ECEL1: variants seen among roughly 807,000 people sequenced by gnomAD.
ECEL1 encodes the protein endothelin converting enzyme like 1, also known as endothelin-converting enzyme-like 1.
Under a neutral mutation model 101.8 loss-of-function variants are expected in ECEL1, and 87 were observed. That is an observed-to-expected ratio of 0.85 (90% CI 0.72 to 1.02). The LOEUF (loss-of-function observed/expected upper bound fraction) is 1.02, where lower values mean the gene tolerates loss of function less well. Among genes scored for constraint, ECEL1 ranks in the 50% least tolerant of loss-of-function variants. The pLI is 0.00. For synonymous variants in ECEL1, 487 were observed against 468.7 expected, an observed-to-expected ratio of 1.04 and a Z score of -0.50; for missense variants, 1,032 against 1,079.2, an observed-to-expected ratio of 0.96 and a Z score of 0.61.
intron 15 of ECEL1, 126 bp downstream of exon 15, chr2:232,480,965 C>G: frequency 1.4e-6 from 2 of 1,393,118 alleles, no homozygotes; most frequent in Non-Finnish European, 2.0e-6. Context: ...CCAGCACATG[C>G]CCTGCCCCAC....
Position 232,486,573 on chromosome 2 carries a change from G to T in ECEL1, c.81C>A (p.Gly27=). ...VKYVSRCGAG[G]ARGASLPPGF... ...CCGGGGGCAGGGAGGCCCCGCGCGC[G>T]CCCCCCGCGCCGCAGCGGCTCACGT... The change falls in exon 2 of 18, where the codon GGC becomes GGA. Residue 27 remains glycine, a synonymous_variant. Transcript: ENST00000304546. 1.4e-6 allele frequency: 2 copies of T among 1,380,872 alleles called. No individual in the cohort carries two copies. Among genetic ancestry groups the T allele is most frequent in the Non-Finnish European group, 1.9e-6 (2 of 1,070,106 alleles). 85.5% of individuals were successfully genotyped at this position (1,380,872 alleles called of 1,614,324 possible). A position where few individuals can be genotyped will look rare whatever the true frequency, so the allele number is the denominator to read the frequency against.
At chr2:232,482,739 G>A in intron 10 of ECEL1, 112 bp downstream of exon 10, 1 of 1,502,588 alleles carries the variant, frequency 6.7e-7, no homozygotes, top group Non-Finnish European at 9.2e-7. Flanking sequence ...CATGCCCTGT[G>A]CTGGCGTGTG....
rs1184585150 is a variant in ECEL1, at chr2:232,484,851, A to G, written c.1009T>C (p.Ser337Pro). ...EHDDLRRDVS[S>P]MYNKVTLGQL... is the part of the protein sequence containing the mutation. ...CCCAGCGTCACCTTGTTGTACATGG[A>G]GCTGACATCTCGCCGTAGGTCGTCA... The change falls in exon 5 of 18, where the codon TCC becomes CCC. Residue 337 changes from serine (S) to proline (P), a missense_variant. Transcript: ENST00000304546. The G allele has an allele frequency of 6.2e-7, 1 of 1,613,832 alleles. No individual in the cohort carries two copies. The highest frequency in any genetic ancestry group is 1.7e-5 in the Admixed American group (1 of 60,000).
rs774880637 is a variant in ECEL1 at position 232,480,794 on chromosome 2, C to T, written c.2075G>A (p.Arg692Gln). 2.0e-5 allele frequency: 32 copies of T among 1,613,636 alleles called. No homozygotes were observed. Among genetic ancestry groups the T allele is most frequent in the East Asian group, 4.5e-5 (2 of 44,878 alleles). Residue 692 changes from arginine (R) to glutamine (Q), a missense_variant, in exon 16 of 18, where the codon CGG becomes CAG. Arg to Gln is a conservative substitution (Grantham distance 43). Coordinates refer to ENST00000304546, the MANE Select transcript of ECEL1 (RefSeq NM_004826.4). ...AAGTGGGTGCTCTGGGCCGTGCTCC[C>T]GCACCCACTTCTGATAGGCCTGGGG... ...LAYHAYQKWV[R>Q]EHGPEHPLPR... is the part of the protein sequence containing the mutation.
intron 2 of ECEL1, among the ~76,000 whole-genome samples, chr2:232,485,596 C>G (rs999693137): frequency 6.6e-6 from 1 of 152,232 alleles, no homozygotes; most frequent in Admixed American, 6.5e-5. Flanking sequence ...AGCCCGCCGG[C>G]GCGCCTCTCC....
At position 232,486,647 on chromosome 2, in the gene ECEL1, G is replaced by C; in HGVS notation, c.7C>G (p.Pro3Ala). 2 of 1,527,710 alleles carry C rather than the reference G, an allele frequency of 1.3e-6. No homozygotes were observed. Among genetic ancestry groups the C allele is most frequent in the Non-Finnish European group, 1.7e-6 (2 of 1,148,112 alleles). The allele number at this position is 1,527,710 out of a possible 1,614,324, so 94.6% of individuals were successfully genotyped here. MEPPYSLTAHYDE... is the reference protein window; with the variant it reads MEAPYSLTAHYDE... ...TAGTGCGCCGTCAGCGAATACGGGG[G>C]CTCCATGGCGCCGAGGCCGCCGCGG... Residue 3 changes from proline (P) to alanine (A), a missense_variant, in exon 2 of 18, where the codon CCC (proline) becomes GCC (alanine). Coordinates refer to ENST00000304546, the MANE Select transcript of ECEL1 (RefSeq NM_004826.4).
At position 232,486,432 on chromosome 2, in the gene ECEL1, G is replaced by A. The variant is rs961118116; in HGVS notation, c.222C>T (p.Ala74=). The part of the protein sequence containing the change: ...SGLVFAAGLC[A]ILAAMLALKY... The stretch of plus-strand genomic sequence containing the variant: ...TGAGGGCCAGCATAGCCGCCAGAAT[G>A]GCGCAGAGGCCGGCGGCGAACACCA... Residue 74 remains alanine, a synonymous_variant, in exon 2 of 18, where the codon GCC becomes GCT. Coordinates refer to ENST00000304546, the MANE Select transcript of ECEL1 (RefSeq NM_004826.4). 6 of 1,455,320 alleles carry A rather than the reference G, an allele frequency of 4.1e-6. No individual in the cohort carries two copies. In the African/African-American group the frequency reaches 7.5e-5, roughly 18 times the overall value. The allele number at this position is 1,455,320 out of a possible 1,614,324, so 90.2% of individuals were successfully genotyped here.
At chr2:232,482,279 G>C (rs1690599961) in intron 12 of ECEL1, 139 bp downstream of exon 12, 4 of 1,096,588 alleles carry the variant, frequency 3.6e-6, no homozygotes, top group Non-Finnish European at 5.5e-6. Context: ...GGGGAGCCAG[G>C]GTCCACAGCT....
intron 17 of ECEL1, 59 bp downstream of exon 17, chr2:232,480,340 C>G: frequency 6.2e-7 from 1 of 1,612,364 alleles, no homozygotes; most frequent in Middle Eastern, 1.7e-4. Context: ...CTTCCCATGC[C>G]CCCTGATCCC....
rs957575267 is a variant in ECEL1, at chr2:232,482,542, C to T, written c.1744+8G>A. 3 of 1,613,870 alleles carry T rather than the reference C, an allele frequency of 1.9e-6. No individual in the cohort carries two copies. The highest frequency in any genetic ancestry group is 2.5e-6 in the Non-Finnish European group (3 of 1,180,030). On this transcript the variant is annotated splice_region_variant and intron_variant, in intron 11 of 17. Transcript: ENST00000304546. ...TGCCCCGCCCGGCGTAGGGACACAT[C>T]CCCTTACCCATCTGGTTCTTGTTGG...
rs531228026 is a variant in ECEL1 at position 232,480,387 on chromosome 2, A to C, written c.2228+12T>G. The C allele has an allele frequency of 5.0e-6, 8 of 1,613,620 alleles. No individual in the cohort carries two copies. The East Asian group carries it at 1.8e-4, about 36-fold the overall frequency. Reference sequence around the variant, plus strand: ...AAGGAGTGGACAAGGCCAGGCGGGCAGGTGGGCATACCTGTAGTGCTCAGG... The same window carrying C: ...AAGGAGTGGACAAGGCCAGGCGGGCCGGTGGGCATACCTGTAGTGCTCAGG... On this transcript the variant is annotated intron_variant, in intron 17 of 17. Coordinates refer to ENST00000304546, the MANE Select transcript of ECEL1 (RefSeq NM_004826.4).
intron 7 of ECEL1, 35 bp from the exon 8 acceptor site, chr2:232,483,549 C>A: frequency 6.4e-7 from 1 of 1,564,330 alleles, no homozygotes; most frequent in Non-Finnish European, 8.6e-7. Context: ...AAGGGTCAAC[C>A]CAGCAGCCTG....
chr2:232,481,967 A>T, intron 12 of ECEL1, 118 bp from the exon 13 acceptor site: 1 of 1,381,560 alleles, frequency 7.2e-7, no homozygotes. Flanking sequence ...GAGGCCACAG[A>T]GGCATCCGTG....
In ECEL1 at chr2:232,486,515, C is replaced by T; in HGVS notation, c.139G>A (p.Gly47Arg). 4.4e-6 allele frequency: 6 copies of T among 1,352,028 alleles called. No individual in the cohort carries two copies. The South Asian group carries it at 7.5e-5, about 17-fold the overall frequency. 83.8% of individuals were successfully genotyped at this position (1,352,028 alleles called of 1,614,324 possible). Residue 47 changes from glycine (G) to arginine (R), a missense_variant, in exon 2 of 18, where the codon GGG (glycine) becomes AGG (arginine). Physicochemically the swap from Gly to Arg is moderately radical, Grantham distance 125. Transcript: ENST00000304546. The part of the protein sequence containing the change: ...FPLGAARSAT[G>R]ARSGLPRWNR... ...CAGCGCGGCAGCCCGGACCGGGCCCCGGTGGCGCTGCGCGCAGCGCCCAAC... is the reference window on the plus strand; with the variant it reads ...CAGCGCGGCAGCCCGGACCGGGCCCTGGTGGCGCTGCGCGCAGCGCCCAAC...
At position 232,480,083 on chromosome 2, in the gene ECEL1, G is replaced by T; in HGVS notation, c.*70C>A. ...AGAGCGGGGCTGGCACCGGGTGCAT[G>T]CCTGCCCCGGTAGCCAGCAGGAGGT... On this transcript the variant is annotated 3_prime_UTR_variant, in exon 18 of 18. Coordinates refer to ENST00000304546, the MANE Select transcript of ECEL1 (RefSeq NM_004826.4). The T allele has an allele frequency of 1.3e-6, 2 of 1,497,330 alleles. No homozygotes were observed. The highest frequency in any genetic ancestry group is 1.8e-6 in the Non-Finnish European group (2 of 1,083,330). 92.8% of individuals were successfully genotyped at this position (1,497,330 alleles called of 1,614,324 possible). A position where few individuals can be genotyped will look rare whatever the true frequency, so the allele number is the denominator to read the frequency against.
intron 9 of ECEL1, 72 bp from the exon 10 acceptor site, chr2:232,483,026 C>A: frequency 1.9e-6 from 3 of 1,612,124 alleles, no homozygotes; most frequent in Non-Finnish European, 2.5e-6. Context: ...AACAACCTGG[C>A]CGTGCAGGCC....
intron 16 of ECEL1, 29 bp downstream of exon 16, chr2:232,480,689 C>G: frequency 6.2e-7 from 1 of 1,610,784 alleles, no homozygotes; most frequent in South Asian, 1.1e-5. Flanking sequence ...CACCCCAAGG[C>G]TCCCAGTCCA....
chr2:232,485,791 C>A (rs1313361540), intron 2 of ECEL1, 77 bp downstream of exon 2: 7 of 1,504,578 alleles, frequency 4.7e-6, no homozygotes, highest in Non-Finnish European at 5.3e-6. Context: ...CCGCCTCCCG[C>A]GCGCAGGGAC....
At chr2:232,483,748 C>T (rs535617031) in intron 7 of ECEL1, among the ~76,000 whole-genome samples, 12 of 152,338 alleles carry the variant, frequency 7.9e-5, no homozygotes, top group Admixed American at 5.2e-4. Context: ...CCACGCCTCC[C>T]GAGCATGCCT....
Sources: allele counts gnomAD v4.1 joint callset (sites outside exome capture counted in the v4.1 genomes callset), GRCh38; gene constraint gnomAD v4.1.1; transcripts MANE v1.5; gene names NCBI Gene and HGNC (gene_info 2026-07-23, HGNC 2026-07-21).